Variants in WWOX observed in about 807,000 individuals in gnomAD.
WWOX encodes the protein WW domain containing oxidoreductase, also known as WW domain-containing oxidoreductase.
WWOX carries 69 observed loss-of-function variants against 46.2 expected under a neutral mutation model. That is an observed-to-expected ratio of 1.49 (90% CI 1.23 to 1.82). The LOEUF is 1.82. Among genes scored for constraint, WWOX ranks in the 40% most tolerant of loss-of-function variants. WWOX has a pLI of 0.00. For missense variants in WWOX, 919 were observed against 542.6 expected (o/e 1.69, Z -6.89); for synonymous variants, 359 against 202.6 (o/e 1.77, Z -6.56).
At chr16:78,934,172 A>C (rs189746028) in intron 8 of WWOX, among the ~76,000 whole-genome samples, 1 of 151,692 alleles carries the variant, frequency 6.6e-6, no homozygotes, top group Non-Finnish European at 1.5e-5. Context: ...CGTCTCTACT[A>C]AAAATAGAAA....
At chr16:78,432,448 C>A in intron 7 of WWOX, 40 bp from the exon 8 acceptor site, 1 of 1,609,946 alleles carries the variant, frequency 6.2e-7, no homozygotes, top group Non-Finnish European at 8.5e-7. Flanking sequence ...TGTGGGAAGT[C>A]AGAACTTGGT....
intron 8 of WWOX, among the ~76,000 whole-genome samples, chr16:78,796,090 C>G (rs959777165): frequency 6.6e-6 from 1 of 152,334 alleles, no homozygotes; most frequent in South Asian, 2.1e-4. Flanking sequence ...AAGAGAATGG[C>G]TCTGAATGTC....
At chr16:79,074,369 C>T (rs1597349717) in intron 8 of WWOX, among the ~76,000 whole-genome samples, 1 of 144,076 alleles carries the variant, frequency 6.9e-6, no homozygotes, top group South Asian at 2.3e-4. Context: ...ACCGTTGTCA[C>T]TCAAAGCCGA....
chr16:78,783,741 A>G (rs28485244), intron 8 of WWOX, among the ~76,000 whole-genome samples: 1 of 151,750 alleles, frequency 6.6e-6, no homozygotes, highest in Non-Finnish European at 1.5e-5. Context: ...GTTGATGATG[A>G]TGGTGATGGT....
intron 4 of WWOX, among the ~76,000 whole-genome samples, chr16:78,120,117 A>C (rs530671310): frequency 6.6e-6 from 1 of 152,128 alleles, no homozygotes; most frequent in Admixed American, 6.5e-5. Flanking sequence ...TGCATTTTCT[A>C]TTGGTACTTA....
intron 8 of WWOX, among the ~76,000 whole-genome samples, chr16:78,644,449 A>T (rs1042867342): frequency 4.6e-5 from 7 of 151,526 alleles, no homozygotes; most frequent in Admixed American, 4.6e-4. Context: ...TCAAACCAAA[A>T]ACCTGGGCCC....
chr16:78,540,045 C>G (rs1021454591), intron 8 of WWOX, among the ~76,000 whole-genome samples: 19 of 151,634 alleles, frequency 1.3e-4, no homozygotes, highest in South Asian at 2.1e-4. Context: ...CACACACACA[C>G]ACAGCCAAAT....
chr16:78,212,471 C>T (rs1369899907), intron 5 of WWOX, among the ~76,000 whole-genome samples: 1 of 152,156 alleles, frequency 6.6e-6, no homozygotes, highest in Non-Finnish European at 1.5e-5. Flanking sequence ...CTTTGACTAC[C>T]TCTGTAGTTT....
chr16:78,474,580 T>C (rs1475172666), intron 8 of WWOX, among the ~76,000 whole-genome samples: 1 of 152,240 alleles, frequency 6.6e-6, no homozygotes, highest in East Asian at 1.9e-4. Flanking sequence ...TATAACAGCT[T>C]TATTGAGAGA....
Position 79,085,703 on chromosome 16 carries a change from C to T in WWOX, c.1057-125905C>T, listed in dbSNP as rs9635581. Among the ~76,000 whole-genome samples, 5 of 152,026 alleles carry T rather than the reference C, an allele frequency of 3.3e-5. No individual in the cohort carries two copies. In the East Asian group the frequency reaches 5.8e-4, roughly 18 times the overall value. ...AAAAATGCATACATTTTATTCCTTA[C>T]CAAAACCAGTTACCCTATAGTCAAA... is the stretch of plus-strand genomic sequence containing the variant. On this transcript the variant is annotated intron_variant, in intron 8 of 8. Coordinates refer to ENST00000566780, the MANE Select transcript of WWOX (RefSeq NM_016373.4).
At chr16:79,110,412 C>T (rs750238499) in intron 8 of WWOX, among the ~76,000 whole-genome samples, 1 of 152,116 alleles carries the variant, frequency 6.6e-6, no homozygotes, top group Non-Finnish European at 1.5e-5. Context: ...GAGCTCTGAG[C>T]CCAAGGAGCA....
chr16:78,374,315 G>A (rs959322266), intron 5 of WWOX, among the ~76,000 whole-genome samples: 1 of 151,922 alleles, frequency 6.6e-6, no homozygotes. Flanking sequence ...AATCAACAAA[G>A]CCAGACCATG....
chr16:78,519,885 A>G (rs964283166), intron 8 of WWOX, among the ~76,000 whole-genome samples: 1 of 152,156 alleles, frequency 6.6e-6, no homozygotes, highest in Non-Finnish European at 1.5e-5. Flanking sequence ...CCTAAGTTAT[A>G]CTATTTTGGG....
intron 8 of WWOX, among the ~76,000 whole-genome samples, chr16:78,813,961 C>G (rs574700403): frequency 6.6e-6 from 1 of 152,162 alleles, no homozygotes; most frequent in Non-Finnish European, 1.5e-5. Flanking sequence ...CTCCCCACCC[C>G]CAATTCTATA....
chr16:78,948,066 C>A (rs1356106399), intron 8 of WWOX, among the ~76,000 whole-genome samples: 1 of 152,338 alleles, frequency 6.6e-6, no homozygotes, highest in South Asian at 2.1e-4. Context: ...GCAGCCTGTG[C>A]CGTCAGAGAG....
At chr16:79,163,480 C>T (rs775081591) in intron 8 of WWOX, among the ~76,000 whole-genome samples, 1 of 152,084 alleles carries the variant, frequency 6.6e-6, no homozygotes, top group Non-Finnish European at 1.5e-5. Flanking sequence ...TGCACACAGT[C>T]AGTAATCAAT....
At chr16:78,985,333 C>T (rs1409234109) in intron 8 of WWOX, among the ~76,000 whole-genome samples, 1 of 152,184 alleles carries the variant, frequency 6.6e-6, no homozygotes, top group South Asian at 2.1e-4. Flanking sequence ...GCCACCGGCA[C>T]GCAGGGTGTT....
chr16:78,437,185 C>T (rs2083353503), intron 8 of WWOX, among the ~76,000 whole-genome samples: 1 of 152,204 alleles, frequency 6.6e-6, no homozygotes, highest in East Asian at 1.9e-4. Flanking sequence ...AGCTGGCTCC[C>T]TTAAGTATTA....
intron 8 of WWOX, among the ~76,000 whole-genome samples, chr16:79,063,032 C>T (rs569748158): frequency 1.3e-5 from 2 of 152,304 alleles, no homozygotes; most frequent in African/African-American, 2.4e-5. Context: ...TTGTTGAATG[C>T]AGCAAAGAAG....
Sources: gnomAD v4.1 joint callset for allele counts (sites outside exome capture counted in the v4.1 genomes callset) on GRCh38, gnomAD v4.1.1 for gene constraint, MANE v1.5 for transcripts, NCBI Gene and HGNC (gene_info 2026-07-23, HGNC 2026-07-21) for gene names.